VPS13B: variants seen among roughly 807,000 people sequenced by gnomAD.
The protein encoded by VPS13B is intermembrane lipid transfer protein VPS13B.
A neutral mutation model predicts 426.4 loss-of-function variants in VPS13B; 285 were observed. The observed-to-expected ratio is 0.67, with a 90% CI of 0.61 to 0.74. VPS13B has a LOEUF of 0.74. Ranked by LOEUF, VPS13B falls within the 30% of genes least tolerant of loss-of-function variation. The pLI, the probability that VPS13B is intolerant of heterozygous loss-of-function variation, is 0.00. For synonymous variants in VPS13B, 1,676 were observed against 1,676.4 expected (o/e 1.00, Z 0.01); for missense variants, 4,537 against 4,782.6 (o/e 0.95, Z 1.51).
At chr8:99,644,698 A>G (rs1201151796) in intron 34 of VPS13B, among the ~76,000 whole-genome samples, 3 of 152,218 alleles carry the variant, frequency 2.0e-5, no homozygotes, top group Non-Finnish European at 4.4e-5. Flanking sequence ...TCTCAGTAGT[A>G]TGACTCCTGG....
chr8:99,631,810 C>G (rs186108060), intron 33 of VPS13B, among the ~76,000 whole-genome samples: 69 of 151,508 alleles, frequency 4.6e-4, no homozygotes, highest in African/African-American at 1.5e-3. Flanking sequence ...TTTTTTATAT[C>G]CTTAGCTAGT....
Position 99,876,383 on chromosome 8 carries a change from T to G in VPS13B, c.*717T>G, listed in dbSNP as rs1214262094. On this transcript the variant is annotated 3_prime_UTR_variant, in exon 62 of 62. Coordinates refer to ENST00000357162, the MANE Select transcript of VPS13B (RefSeq NM_152564.5). Reference sequence around the variant, plus strand: ...AACAGTCTGATGATTGATTGATTACTGTCCAGGTACATTTTAGAAAAAGTG... The same window carrying G: ...AACAGTCTGATGATTGATTGATTACGGTCCAGGTACATTTTAGAAAAAGTG... 6.6e-6 allele frequency: 1 copy of G among 152,576 alleles called. No individual in the cohort carries two copies. The highest frequency in any genetic ancestry group is 2.4e-5 in the African/African-American group (1 of 41,472). The allele number at this position is 152,576 out of a possible 1,614,324, so 9.5% of individuals were successfully genotyped here.
chr8:99,471,816 G>A (rs1165263961), intron 24 of VPS13B, among the ~76,000 whole-genome samples: 6 of 152,058 alleles, frequency 3.9e-5, no homozygotes, highest in Admixed American at 2.6e-4. Flanking sequence ...GAACAGTATG[G>A]CCCACAAAGC....
At chr8:99,108,869 A>T (rs570827534) in intron 5 of VPS13B, among the ~76,000 whole-genome samples, 1 of 152,242 alleles carries the variant, frequency 6.6e-6, no homozygotes, top group East Asian at 1.9e-4. Context: ...TGCTTTGGAT[A>T]GTATGGAAAT....
At chr8:99,182,199 A>G (rs188436644) in intron 16 of VPS13B, among the ~76,000 whole-genome samples, 2 of 152,210 alleles carry the variant, frequency 1.3e-5, no homozygotes, top group Non-Finnish European at 2.9e-5. Context: ...ACTGATATAT[A>G]CAGTTGTGTT....
intron 3 of VPS13B, among the ~76,000 whole-genome samples, chr8:99,064,218 C>T (rs1187812108): frequency 1.3e-5 from 2 of 152,130 alleles, no homozygotes; most frequent in Non-Finnish European, 2.9e-5. Flanking sequence ...GATCGTAGCT[C>T]CTCGCCAGCA....
chr8:99,556,388 A>T, intron 30 of VPS13B, 62 bp from the exon 31 acceptor site: 1 of 1,539,954 alleles, frequency 6.5e-7, no homozygotes, highest in South Asian at 1.2e-5. Context: ...CAAAATAAAC[A>T]TAGAATGGTT....
At chr8:99,042,389 C>A (rs1418623107) in intron 3 of VPS13B, among the ~76,000 whole-genome samples, 1 of 151,958 alleles carries the variant, frequency 6.6e-6, no homozygotes, top group African/African-American at 2.4e-5. Context: ...ATCATTTTTG[C>A]AAGTTTAATT....
At chr8:99,625,876 C>T (rs968940869) in intron 33 of VPS13B, among the ~76,000 whole-genome samples, 1 of 151,906 alleles carries the variant, frequency 6.6e-6, no homozygotes, top group African/African-American at 2.4e-5. Context: ...ACAAAAAAAA[C>T]CCAGCAACAT....
At chr8:99,150,825 G>C (rs1441181293) in intron 14 of VPS13B, among the ~76,000 whole-genome samples, 1 of 152,178 alleles carries the variant, frequency 6.6e-6, no homozygotes, top group Non-Finnish European at 1.5e-5. Context: ...TGAGAGTTGT[G>C]AGTAAAACAG....
intron 43 of VPS13B, chr8:99,804,143 T>C (rs1039525852): frequency 3.9e-5 from 6 of 152,386 alleles, no homozygotes; most frequent in African/African-American, 1.4e-4. Context: ...AGACCTGGGG[T>C]GAGAGGGCCC....
intron 33 of VPS13B, chr8:99,613,891 TG>T (rs1180887332): frequency 6.6e-6 from 1 of 152,366 alleles, no homozygotes; most frequent in East Asian, 1.9e-4. Flanking sequence ...ATTTCCAACC[TG>T]GGCTGGTCAC....
chr8:99,414,208 G>GT (rs1815856144), intron 21 of VPS13B, among the ~76,000 whole-genome samples: 1 of 146,110 alleles, frequency 6.8e-6, no homozygotes, highest in Non-Finnish European at 1.5e-5. Context: ...TTTAAAGTCT[G>GT]TTTTATCAGA....
At chr8:99,501,891 C>T (rs768993309) in intron 26 of VPS13B, 33 bp downstream of exon 26, 2 of 1,597,416 alleles carry the variant, frequency 1.3e-6, no homozygotes, top group South Asian at 1.1e-5. Context: ...TCCCTCCCTC[C>T]CTCTGTCCCT....
At chr8:99,813,507 C>T (rs1021946210) in intron 44 of VPS13B, among the ~76,000 whole-genome samples, 1 of 152,216 alleles carries the variant, frequency 6.6e-6, no homozygotes, top group Non-Finnish European at 1.5e-5. Flanking sequence ...AATGCTATGG[C>T]ATCATAAGAC....
intron 24 of VPS13B, among the ~76,000 whole-genome samples, chr8:99,478,798 G>T (rs898657952): frequency 1.9e-4 from 28 of 148,364 alleles, no homozygotes; most frequent in African/African-American, 6.0e-4. Flanking sequence ...AACTGGACAA[G>T]TGTAATCTTT....
intron 22 of VPS13B, among the ~76,000 whole-genome samples, chr8:99,438,884 T>C (rs1261021764): frequency 6.6e-6 from 1 of 152,210 alleles, no homozygotes; most frequent in African/African-American, 2.4e-5. Flanking sequence ...GAACAGGTTT[T>C]ATAAATCTAT....
chr8:99,750,142 A>G lies in VPS13B; in HGVS notation c.7051-16632A>G, dbSNP rs186893162. Reference sequence around the variant, plus strand: ...TATATTTTATATGCATTTAGTTTTAATTGAATGGTATATATTTTATATTCA... The same window carrying G: ...TATATTTTATATGCATTTAGTTTTAGTTGAATGGTATATATTTTATATTCA... On this transcript the variant is annotated intron_variant, in intron 39 of 61. Coordinates refer to ENST00000357162, the MANE Select transcript of VPS13B (RefSeq NM_152564.5). Among the ~76,000 whole-genome samples, 46 of 152,250 alleles carry G rather than the reference A, an allele frequency of 3.0e-4. 1 individual carries two copies. The highest frequency in any genetic ancestry group is 2.7e-3 in the Admixed American group (41 of 15,278).
intron 20 of VPS13B, among the ~76,000 whole-genome samples, chr8:99,386,791 C>T (rs1037573635): frequency 6.6e-5 from 10 of 152,056 alleles, no homozygotes; most frequent in African/African-American, 1.7e-4. Flanking sequence ...GGGAACATAG[C>T]GAGACTCTGT....
Sources: gnomAD v4.1 joint callset for allele counts (sites outside exome capture counted in the v4.1 genomes callset) on GRCh38, gnomAD v4.1.1 for gene constraint, MANE v1.5 for transcripts, NCBI Gene and HGNC (gene_info 2026-07-23, HGNC 2026-07-21) for gene names.